Variants in RNGTT observed in about 807,000 individuals in gnomAD.
RNGTT encodes the protein RNA guanylyltransferase and 5'-phosphatase, also known as mRNA-capping enzyme.
RNGTT carries 33 observed loss-of-function variants against 79.3 expected under a neutral mutation model. The observed-to-expected ratio is 0.42, with a 90% confidence interval of 0.32 to 0.56. RNGTT has a LOEUF of 0.56. Ranked by LOEUF, RNGTT falls within the 20% of genes least tolerant of loss-of-function variation. The pLI is 0.17. For synonymous variants in RNGTT, 222 were observed against 235.9 expected, an observed-to-expected ratio of 0.94 and a Z score of 0.54; for missense variants, 497 against 739.1, an observed-to-expected ratio of 0.67 and a Z score of 3.80.
rs762169543 is a variant in RNGTT, at chr6:88,929,284, AT to A, written c.175-18del. 7.2e-7 allele frequency: 1 copy of A among 1,393,658 alleles called. No individual in the cohort carries two copies. Among genetic ancestry groups the A allele is most frequent in the Non-Finnish European group, 1.0e-6 (1 of 999,160 alleles). The allele number at this position is 1,393,658 out of a possible 1,614,324, so 86.3% of individuals were successfully genotyped here. A position where few individuals can be genotyped will look rare whatever the true frequency, so the allele number is the denominator to read the frequency against. On this transcript the variant is annotated intron_variant, in intron 2 of 15. Coordinates refer to ENST00000369485, the MANE Select transcript of RNGTT (RefSeq NM_003800.5). ...CATTTTAACCTAAAAAAAAAAAAAA[AT>A]GAAAGGGCAAATTTACTAGTAACTT... is the stretch of plus-strand genomic sequence containing the variant.
intron 1 of RNGTT, among the ~76,000 whole-genome samples, 185 bp downstream of exon 1, chr6:88,963,161 C>T (rs1006492527): frequency 1.3e-5 from 2 of 151,512 alleles, no homozygotes; most frequent in Non-Finnish European, 2.9e-5. Flanking sequence ...CAAGTGCCCC[C>T]CATCCGCCGA....
At chr6:88,825,289 G>A (rs1447280587) in intron 11 of RNGTT, among the ~76,000 whole-genome samples, 1 of 152,168 alleles carries the variant, frequency 6.6e-6, no homozygotes, top group Non-Finnish European at 1.5e-5. Flanking sequence ...TGAAGAGGAG[G>A]GGGTTACACA....
At chr6:88,796,857 T>A (rs939677553) in intron 12 of RNGTT, among the ~76,000 whole-genome samples, 1 of 152,156 alleles carries the variant, frequency 6.6e-6, no homozygotes, top group Non-Finnish European at 1.5e-5. Flanking sequence ...AGTTATAACT[T>A]ACGAGATAAA....
chr6:88,841,683 C>A (rs531267974), intron 11 of RNGTT, among the ~76,000 whole-genome samples: 1 of 152,124 alleles, frequency 6.6e-6, no homozygotes, highest in African/African-American at 2.4e-5. Context: ...GTACTCATAA[C>A]CCAGTATCAA....
chr6:88,769,159 G>C (rs976918896), intron 13 of RNGTT, among the ~76,000 whole-genome samples: 3 of 151,384 alleles, frequency 2.0e-5, no homozygotes, highest in South Asian at 2.1e-4. Context: ...CTTTTCTTTG[G>C]GGGGAGGTGT....
At chr6:88,693,601 C>T (rs543278262) in intron 13 of RNGTT, among the ~76,000 whole-genome samples, 8 of 152,050 alleles carry the variant, frequency 5.3e-5, no homozygotes, top group African/African-American at 1.7e-4. Flanking sequence ...CTTCCAAATT[C>T]TTTTAACAAA....
At chr6:88,732,029 C>T (rs1448375191) in intron 13 of RNGTT, among the ~76,000 whole-genome samples, 1 of 152,016 alleles carries the variant, frequency 6.6e-6, no homozygotes, top group African/African-American at 2.4e-5. Context: ...TCATCATCTT[C>T]ATGTCAAGTA....
At chr6:88,671,443 GA>G (rs1423439883) in intron 14 of RNGTT, among the ~76,000 whole-genome samples, 4 of 152,144 alleles carry the variant, frequency 2.6e-5, no homozygotes, top group Non-Finnish European at 4.4e-5. Flanking sequence ...ATTGCTGAAA[GA>G]AATCACACAT....
chr6:88,711,824 T>C (rs1776330066), intron 13 of RNGTT, among the ~76,000 whole-genome samples: 1 of 152,200 alleles, frequency 6.6e-6, no homozygotes, highest in South Asian at 2.1e-4. Flanking sequence ...TGAGCACCTA[T>C]TGTGTGGTAG....
At chr6:88,768,940 C>T (rs757130655) in intron 13 of RNGTT, among the ~76,000 whole-genome samples, 1 of 152,132 alleles carries the variant, frequency 6.6e-6, no homozygotes, top group Non-Finnish European at 1.5e-5. Flanking sequence ...CAACAGTTAA[C>T]TTACCCTACA....
At position 88,612,248 on chromosome 6, in the gene RNGTT, A is replaced by G. The variant is rs985225953; in HGVS notation, c.*471T>C. 1 of 153,250 alleles carries G rather than the reference A, an allele frequency of 6.5e-6. No individual in the cohort carries two copies. 9.5% of individuals were successfully genotyped at this position (153,250 alleles called of 1,614,324 possible). On this transcript the variant is annotated 3_prime_UTR_variant, in exon 16 of 16. Coordinates refer to ENST00000369485, the MANE Select transcript of RNGTT (RefSeq NM_003800.5). ...GGGATCTCAGAAATGTAGGAAATCC[A>G]TGGTAAATGATAGCAAGAATGTTTA...
At chr6:88,683,855 A>T (rs1435704104) in intron 13 of RNGTT, among the ~76,000 whole-genome samples, 2 of 151,986 alleles carry the variant, frequency 1.3e-5, no homozygotes, top group South Asian at 4.2e-4. Context: ...TCTCTACAAA[A>T]AGTATAAAAA....
At position 88,734,868 on chromosome 6, in the gene RNGTT, C is replaced by T. The variant is rs190636792; in HGVS notation, c.1439+34906G>A. On this transcript the variant is annotated intron_variant, in intron 13 of 15. Coordinates refer to ENST00000369485, the MANE Select transcript of RNGTT (RefSeq NM_003800.5). ...AGGCTTTTGTGTTAGATGATTTTGA[C>T]CATAAGCTAATGCAAGTGCTCTGAA... Among the ~76,000 whole-genome samples, 27 of 152,224 alleles carry T rather than the reference C, an allele frequency of 1.8e-4. 1 individual carries two copies. The East Asian group carries it at 4.8e-3, about 27-fold the overall frequency.
At chr6:88,759,250 G>A (rs574742548) in intron 13 of RNGTT, among the ~76,000 whole-genome samples, 8 of 152,252 alleles carry the variant, frequency 5.3e-5, no homozygotes, top group Admixed American at 2.0e-4. Flanking sequence ...GCATCCTTTC[G>A]ACATACATTG....
At chr6:88,697,705 C>CAAAAA (rs747533245) in intron 13 of RNGTT, among the ~76,000 whole-genome samples, 2 of 150,456 alleles carry the variant, frequency 1.3e-5, no homozygotes, top group African/African-American at 4.9e-5. Flanking sequence ...ACTAAAAATA[C>CAAAAA]AAAAAACAAA....
chr6:88,738,006 T>A (rs994262512), intron 13 of RNGTT, among the ~76,000 whole-genome samples: 1 of 152,120 alleles, frequency 6.6e-6, no homozygotes, highest in Admixed American at 6.5e-5. Flanking sequence ...GAGTACAGTA[T>A]GAAAAGGAGG....
chr6:88,917,657 G>A (rs1784040178), intron 4 of RNGTT, among the ~76,000 whole-genome samples: 1 of 152,212 alleles, frequency 6.6e-6, no homozygotes, highest in African/African-American at 2.4e-5. Flanking sequence ...GAGGCTGAGG[G>A]TGGCGGATCA....
chr6:88,673,072 G>A (rs1027093544), intron 14 of RNGTT, among the ~76,000 whole-genome samples: 7 of 152,156 alleles, frequency 4.6e-5, no homozygotes, highest in East Asian at 1.9e-4. Context: ...AATGGAGCTC[G>A]TTTTTAGAAA....
At chr6:88,950,323 G>A (rs1443348347) in intron 1 of RNGTT, among the ~76,000 whole-genome samples, 1 of 152,180 alleles carries the variant, frequency 6.6e-6, no homozygotes, top group African/African-American at 2.4e-5. Flanking sequence ...CATGGATCAA[G>A]GGATAGTTTC....
Sources: allele counts gnomAD v4.1 joint callset (sites outside exome capture counted in the v4.1 genomes callset), GRCh38; gene constraint gnomAD v4.1.1; transcripts MANE v1.5; gene names NCBI Gene and HGNC (gene_info 2026-07-23, HGNC 2026-07-21).